The following WNT3 variants were observed in gnomAD, a reference collection of about 807,000 sequenced individuals.
WNT3 encodes Wnt family member 3.
In WNT3, 7 loss-of-function variants were observed where a neutral mutation model predicts 34.2. The ratio of observed to expected loss-of-function variants is 0.20; its 90% CI spans 0.12 to 0.38. The LOEUF (loss-of-function observed/expected upper bound fraction) is 0.38, where lower values mean the gene tolerates loss of function less well. WNT3 is among the 10% of genes least tolerant of loss of function. The pLI is 1.00. For synonymous variants in WNT3, 212 were observed against 211.5 expected (o/e 1.00, Z -0.02); for missense variants, 267 against 499.8 (o/e 0.53, Z 4.44).
chr17:46,803,215 G>T (rs908040142), intron 1 of WNT3, among the ~76,000 whole-genome samples: 2 of 152,212 alleles, frequency 1.3e-5, no homozygotes, highest in African/African-American at 2.4e-5. Flanking sequence ...GACAGTTTAC[G>T]TCTTTTCCTG....
At chr17:46,785,339 C>T (rs982558121) in intron 1 of WNT3, among the ~76,000 whole-genome samples, 8 of 152,282 alleles carry the variant, frequency 5.3e-5, no homozygotes, top group South Asian at 4.1e-4. Flanking sequence ...CTAATGTCAC[C>T]GTGAGTGCAG....
At chr17:46,776,416 T>G (rs2059412300) in intron 1 of WNT3, among the ~76,000 whole-genome samples, 2 of 152,254 alleles carry the variant, frequency 1.3e-5, no homozygotes, top group African/African-American at 4.8e-5. Flanking sequence ...GACACAGTTC[T>G]GAGTGCTTGT....
At chr17:46,789,050 G>A (rs553563851) in intron 1 of WNT3, among the ~76,000 whole-genome samples, 3 of 152,362 alleles carry the variant, frequency 2.0e-5, no homozygotes, top group African/African-American at 7.2e-5. Flanking sequence ...CCAGCCTGGT[G>A]TGTGTCTTTA....
intron 2 of WNT3, among the ~76,000 whole-genome samples, chr17:46,771,634 C>CGGCCGCCGGGCCCG (rs1035002291): frequency 3.2e-4 from 46 of 145,796 alleles, no homozygotes; most frequent in African/African-American, 1.1e-3. Flanking sequence ...CCGCATAATG[C>CGGCCGCCGGGCCCG]GGCCGCCGGG....
chr17:46,767,323 G>A lies in WNT3; in HGVS notation c.*8+989C>T, dbSNP rs375835127. Among the ~76,000 whole-genome samples, 17 of 152,132 alleles carry A rather than the reference G, an allele frequency of 1.1e-4. No homozygotes were observed. The East Asian group carries it at 1.4e-3, about 12-fold the overall frequency. ...GCTCCCCGTCATCATCCATAAACTC[G>A]GTGAGAGTGCTCCCCACTCCACCCA... On this transcript the variant is annotated intron_variant, in intron 4 of 4. Transcript: ENST00000225512.
intron 1 of WNT3, among the ~76,000 whole-genome samples, chr17:46,810,133 A>G (rs1263036181): frequency 6.7e-6 from 1 of 149,730 alleles, no homozygotes; most frequent in East Asian, 2.0e-4. Context: ...CAGCCTTCCG[A>G]GTAGCTGGGA....
chr17:46,795,211 A>T (rs946337800), intron 1 of WNT3, among the ~76,000 whole-genome samples: 129 of 151,844 alleles, frequency 8.5e-4, no homozygotes, highest in African/African-American at 3.0e-3. Flanking sequence ...CTCCCCCATA[A>T]ACACCCTCTG....
intron 1 of WNT3, among the ~76,000 whole-genome samples, chr17:46,795,839 T>C (rs1300424837): frequency 6.6e-6 from 1 of 152,178 alleles, no homozygotes; most frequent in Non-Finnish European, 1.5e-5. Context: ...TGTGCACTCT[T>C]GCTCTCTGTC....
At chr17:46,771,951 C>T (rs2059377742) in intron 2 of WNT3, among the ~76,000 whole-genome samples, 1 of 148,598 alleles carries the variant, frequency 6.7e-6, no homozygotes. Context: ...CCGCGCCTCG[C>T]CCCTTCCGGC....
rs2059291949 is a variant in WNT3 at position 46,763,953 on chromosome 17, G to A, written c.*677C>T. Reference sequence around the variant, plus strand: ...TGCAGAACAGGGTTATAGAGAAAATGAGACTGAGAAGAACACATGGCTGCT... The same window carrying A: ...TGCAGAACAGGGTTATAGAGAAAATAAGACTGAGAAGAACACATGGCTGCT... On this transcript the variant is annotated 3_prime_UTR_variant, in exon 5 of 5. Transcript: ENST00000225512. 6.6e-6 allele frequency: 1 copy of A among 152,018 alleles called. No individual in the cohort carries two copies. The highest frequency in any genetic ancestry group is 2.4e-5 in the African/African-American group (1 of 41,388). 9.4% of individuals were successfully genotyped at this position (152,018 alleles called of 1,614,324 possible). A position where few individuals can be genotyped will look rare whatever the true frequency, so the allele number is the denominator to read the frequency against.
chr17:46,770,017 G>A lies in WNT3; in HGVS notation c.354C>T (p.Ile118=), dbSNP rs376087218. 11 of 1,581,968 alleles carry A rather than the reference G, an allele frequency of 7.0e-6. No homozygotes were observed. The highest frequency in any genetic ancestry group is 1.8e-5 in the Admixed American group (1 of 54,894). The change falls in exon 3 of 5, where the codon ATC becomes ATT. Residue 118 remains isoleucine (I), a synonymous_variant. Transcript: ENST00000225512. ...CGGCGAAGGCCACGCCGGCCGAGGC[G>A]ATGGCGTGAACGAAGGCCGACTCGC... ...ATRESAFVHA[I]ASAGVAFAVT... is the part of the protein sequence containing the mutation.
intron 1 of WNT3, among the ~76,000 whole-genome samples, chr17:46,785,010 C>T (rs2059491832): frequency 1.3e-5 from 2 of 152,168 alleles, no homozygotes; most frequent in African/African-American, 4.8e-5. Flanking sequence ...ATCTCCTGAC[C>T]TCGTGATCTG....
At chr17:46,780,132 T>A (rs899939968) in intron 1 of WNT3, among the ~76,000 whole-genome samples, 1 of 152,228 alleles carries the variant, frequency 6.6e-6, no homozygotes, top group Non-Finnish European at 1.5e-5. Context: ...CTTACGCACC[T>A]AACATATGGT....
intron 2 of WNT3, among the ~76,000 whole-genome samples, chr17:46,771,962 C>T (rs1180552243): frequency 1.3e-4 from 20 of 149,416 alleles, no homozygotes; most frequent in East Asian, 5.9e-4. Context: ...CCCTTCCGGC[C>T]GCCGACCCCG....
chr17:46,775,594 C>A (rs557753485), intron 1 of WNT3, among the ~76,000 whole-genome samples: 3 of 150,124 alleles, frequency 2.0e-5, no homozygotes, highest in Admixed American at 6.6e-5. Context: ...GAGAAAGAAG[C>A]AGCAGCCAGA....
At chr17:46,784,777 CT>C (rs138267924) in intron 1 of WNT3, among the ~76,000 whole-genome samples, 10,685 of 129,096 alleles carry the variant, frequency 0.083, 1,184 homozygotes, top group African/African-American at 0.28. Flanking sequence ...TTTTGCTTTT[CT>C]TTTTTTTTTT....
rs915975347 is a variant in WNT3, at chr17:46,798,336, C to A, written c.80+20182G>T. 2.6e-5 allele frequency among the ~76,000 whole-genome samples: 4 copies of A among 152,316 alleles called. No homozygotes were observed. In the South Asian group the frequency reaches 6.2e-4, roughly 24 times the overall value. ...GAGGAGGACCCACAGATGGACACGA[C>A]GGCCTAGTCACGGTCTGGTCCTTCA... On this transcript the variant is annotated intron_variant, in intron 1 of 4. Coordinates refer to ENST00000225512, the MANE Select transcript of WNT3 (RefSeq NM_030753.5).
intron 1 of WNT3, among the ~76,000 whole-genome samples, chr17:46,777,764 C>T (rs1016209176): frequency 1.3e-5 from 2 of 152,210 alleles, no homozygotes; most frequent in African/African-American, 4.8e-5. Flanking sequence ...AGTAGTTGGG[C>T]GACTTATGCA....
chr17:46,770,580 C>T (rs894249570), intron 2 of WNT3, among the ~76,000 whole-genome samples: 1 of 152,164 alleles, frequency 6.6e-6, no homozygotes, highest in African/African-American at 2.4e-5. Flanking sequence ...CGGTCTCAGT[C>T]GCCCTTTTTG....
Sources: allele counts gnomAD v4.1 joint callset (sites outside exome capture counted in the v4.1 genomes callset), GRCh38; gene constraint gnomAD v4.1.1; transcripts MANE v1.5; gene names NCBI Gene and HGNC (gene_info 2026-07-23, HGNC 2026-07-21).